IPP: variants seen among roughly 807,000 people sequenced by gnomAD.
IPP encodes actin-binding protein IPP.
Under a neutral mutation model 64.1 loss-of-function variants are expected in IPP, and 41 were observed. The observed-to-expected ratio is 0.64, with a 90% CI of 0.50 to 0.83. The LOEUF (loss-of-function observed/expected upper bound fraction) is 0.83, where lower values mean the gene tolerates loss of function less well. Among genes scored for constraint, IPP ranks in the 40% least tolerant of loss-of-function variants. The pLI, the probability that IPP is intolerant of heterozygous loss-of-function variation, is 0.00. For synonymous variants in IPP, 214 were observed against 235.2 expected (o/e 0.91, Z 0.83); for missense variants, 649 against 703.0 (o/e 0.92, Z 0.87).
chr1:45,700,364 CAG>C (rs1279209048), intron 8 of IPP, among the ~76,000 whole-genome samples, 174 bp from the exon 9 acceptor site: 1 of 150,926 alleles, frequency 6.6e-6, no homozygotes, highest in Non-Finnish European at 1.5e-5. Flanking sequence ...TCCTTGGAGA[CAG>C]GGTCTCGCTC....
intron 3 of IPP, among the ~76,000 whole-genome samples, chr1:45,733,301 T>G (rs907501355): frequency 1.3e-5 from 2 of 151,642 alleles, no homozygotes; most frequent in East Asian, 3.9e-4. Flanking sequence ...GGTGCACGCC[T>G]GTAGTCCCCA....
chr1:45,738,059 T>C (rs1646003576), intron 3 of IPP, among the ~76,000 whole-genome samples: 1 of 152,198 alleles, frequency 6.6e-6, no homozygotes, highest in African/African-American at 2.4e-5. Flanking sequence ...GGAAAAAACA[T>C]AATGTACATT....
Position 45,736,904 on chromosome 1 carries a change from G to A in IPP, c.724+3997C>T, listed in dbSNP as rs146258647. On this transcript the variant is annotated intron_variant, in intron 3 of 8. Coordinates refer to ENST00000396478, the MANE Select transcript of IPP (RefSeq NM_005897.3). ...AATACAAAAAAAAAATTAGCCGGGC[G>A]TGGTGGCGGGCGCCCGTAGTCCCAG... Among the ~76,000 whole-genome samples the A allele has an allele frequency of 2.5e-3, 374 of 151,906 alleles. 1 individual carries two copies. The highest frequency in any genetic ancestry group is 8.6e-3 in the African/African-American group (358 of 41,434).
intron 3 of IPP, among the ~76,000 whole-genome samples, chr1:45,731,404 C>A (rs1252041258): frequency 6.6e-6 from 1 of 152,118 alleles, no homozygotes; most frequent in African/African-American, 2.4e-5. Flanking sequence ...TGCCCTACTG[C>A]ATGACAGTGT....
At chr1:45,725,992 T>C (rs1214959926) in intron 5 of IPP, among the ~76,000 whole-genome samples, 1 of 143,662 alleles carries the variant, frequency 7.0e-6, no homozygotes, top group Non-Finnish European at 1.5e-5. Context: ...ACCAGAGACC[T>C]TTGTTCACTT....
At chr1:45,723,958 TCCTCTCCCTCTCCCCCTCCCCCTC>T (rs1262780109) in intron 5 of IPP, among the ~76,000 whole-genome samples, 1 of 142,962 alleles carries the variant, frequency 7.0e-6, no homozygotes, top group African/African-American at 2.6e-5. Context: ...GCTCAGGAGT[TCCTCTCCCTCTCCCCCTCCCCCTC>T]CCTCTCCCTC....
chr1:45,747,646 G>A (rs1646156154), intron 1 of IPP, among the ~76,000 whole-genome samples: 1 of 151,958 alleles, frequency 6.6e-6, no homozygotes, highest in Non-Finnish European at 1.5e-5. Flanking sequence ...TGACCAACAT[G>A]ACAAAACCCC....
chr1:45,739,409 CTTTTTTT>C (rs531027721), intron 3 of IPP, among the ~76,000 whole-genome samples: 9 of 90,576 alleles, frequency 9.9e-5, no homozygotes, highest in South Asian at 8.4e-4. Flanking sequence ...AATTTTTTGC[CTTTTTTT>C]TTTTTTTTTT....
At chr1:45,696,841 A>G (rs1157465901), downstream of IPP, 1 of 152,248 alleles carries the variant, frequency 6.6e-6, no homozygotes, top group African/African-American at 2.4e-5. Flanking sequence ...GCATATTTAC[A>G]GTCACCTATT....
intron 5 of IPP, among the ~76,000 whole-genome samples, chr1:45,724,752 C>T (rs1437119044): frequency 1.3e-5 from 2 of 151,344 alleles, no homozygotes; most frequent in Non-Finnish European, 3.0e-5. Flanking sequence ...GCAACCGCCC[C>T]GTCTAAGAAG....
intron 3 of IPP, among the ~76,000 whole-genome samples, chr1:45,737,457 CTTTT>C (rs778748035): frequency 2.5e-5 from 3 of 121,242 alleles, no homozygotes; most frequent in Non-Finnish European, 3.5e-5. Context: ...ATAAACAATT[CTTTT>C]TTTTTTTTTT....
chr1:45,735,219 G>T (rs1645961392), intron 3 of IPP, among the ~76,000 whole-genome samples: 1 of 151,292 alleles, frequency 6.6e-6, no homozygotes, highest in South Asian at 2.1e-4. Flanking sequence ...GAGTAGCAGG[G>T]ACTACAGGCA....
At position 45,700,197 on chromosome 1, in the gene IPP, AAG is replaced by A; in HGVS notation, c.1531-9_1531-8del. On this transcript the variant is annotated splice_polypyrimidine_tract_variant and splice_region_variant and intron_variant, in intron 8 of 8. Transcript: ENST00000396478. ...CAACTTCAACCCACTTTTCCTGGTT[AAG>A]AGAGAAAAAAAAAATATGTTAGCAG... 1.3e-6 allele frequency: 2 copies of A among 1,590,070 alleles called. No homozygotes were observed. The highest frequency in any genetic ancestry group is 1.7e-6 in the Non-Finnish European group (2 of 1,170,536).
intron 8 of IPP, among the ~76,000 whole-genome samples, 190 bp downstream of exon 8, chr1:45,714,056 A>G (rs750323476): frequency 5.9e-5 from 9 of 152,172 alleles, no homozygotes; most frequent in Non-Finnish European, 1.2e-4. Flanking sequence ...GTAAGAACAG[A>G]AATCAATAAA....
chr1:45,724,035 A>G (rs371812448), intron 5 of IPP, among the ~76,000 whole-genome samples: 2 of 141,432 alleles, frequency 1.4e-5, no homozygotes, highest in Non-Finnish European at 3.0e-5. Context: ...ATGCCGAGCC[A>G]AAGCTGGACT....
chr1:45,711,409 G>A (rs1242668884), intron 8 of IPP, among the ~76,000 whole-genome samples: 1 of 151,990 alleles, frequency 6.6e-6, no homozygotes, highest in Non-Finnish European at 1.5e-5. Context: ...TAAAGACACA[G>A]AAGTAGAAGG....
chr1:45,748,649 A>G (rs1646173117), intron 1 of IPP, among the ~76,000 whole-genome samples: 2 of 151,554 alleles, frequency 1.3e-5, no homozygotes, highest in Non-Finnish European at 2.9e-5. Context: ...TCCAGCCTGG[A>G]CAACAGAGCA....
At chr1:45,740,311 A>C (rs1285790933) in intron 3 of IPP, among the ~76,000 whole-genome samples, 2 of 152,108 alleles carry the variant, frequency 1.3e-5, no homozygotes, top group Non-Finnish European at 2.9e-5. Flanking sequence ...CATTGTCATC[A>C]TGGCCCGTTC....
intron 5 of IPP, 28 bp downstream of exon 5, chr1:45,727,603 T>G (rs1645847447): frequency 7.0e-7 from 1 of 1,435,940 alleles, no homozygotes; most frequent in Non-Finnish European, 9.4e-7. Flanking sequence ...CAAGACTAAT[T>G]AAGAAAATAA....
Sources: gnomAD v4.1 joint callset for allele counts (sites outside exome capture counted in the v4.1 genomes callset) on GRCh38, gnomAD v4.1.1 for gene constraint, MANE v1.5 for transcripts, NCBI Gene and HGNC (gene_info 2026-07-23, HGNC 2026-07-21) for gene names.